Variants in ITSN1 observed in about 807,000 individuals in gnomAD.
ITSN1 encodes intersectin-1.
Under a neutral mutation model 239.8 loss-of-function variants are expected in ITSN1, and 58 were observed. The observed-to-expected ratio is 0.24, with a 90% CI of 0.20 to 0.30. The LOEUF (loss-of-function observed/expected upper bound fraction) is 0.30, where lower values mean the gene tolerates loss of function less well. Ranked by LOEUF, ITSN1 falls within the 10% of genes least tolerant of loss-of-function variation. The probability of loss-of-function intolerance (pLI) is 1.00; values close to 1 mark genes in which losing one functional copy is unlikely to be tolerated. For missense variants in ITSN1, 1,558 were observed against 2,103.3 expected (o/e 0.74, Z 5.07); for synonymous variants, 780 against 770.8 (o/e 1.01, Z -0.20).
intron 26 of ITSN1, chr21:33,829,188 G>A (rs1485867985): frequency 8.2e-6 from 3 of 367,178 alleles, no homozygotes; most frequent in Middle Eastern, 6.4e-4. Flanking sequence ...AGCTAGAAAA[G>A]CTATTGAGTC....
At chr21:33,864,177 G>T (rs972683601) in intron 31 of ITSN1, among the ~76,000 whole-genome samples, 1 of 152,140 alleles carries the variant, frequency 6.6e-6, no homozygotes, top group Admixed American at 6.5e-5. Context: ...GACCATGAAA[G>T]CAGCCAAAGG....
intron 12 of ITSN1, among the ~76,000 whole-genome samples, chr21:33,773,278 G>C (rs1206684648): frequency 6.6e-6 from 1 of 152,060 alleles, no homozygotes; most frequent in African/African-American, 2.4e-5. Context: ...AAAGTGCTGG[G>C]ATTACAGGCA....
At chr21:33,745,204 G>T (rs544889304) in intron 5 of ITSN1, among the ~76,000 whole-genome samples, 1 of 152,336 alleles carries the variant, frequency 6.6e-6, no homozygotes, top group East Asian at 1.9e-4. Context: ...GGATGTAGCT[G>T]CGTATTTGCA....
intron 29 of ITSN1, among the ~76,000 whole-genome samples, chr21:33,845,993 C>T (rs987291310): frequency 6.6e-6 from 1 of 152,266 alleles, no homozygotes; most frequent in African/African-American, 2.4e-5. Context: ...AGGAGCCTCC[C>T]CCAGCCTTAG....
At chr21:33,721,382 C>T in intron 3 of ITSN1, 112 bp downstream of exon 3, 1 of 705,486 alleles carries the variant, frequency 1.4e-6, no homozygotes, top group South Asian at 1.7e-5. Flanking sequence ...AGACATTTAC[C>T]TGTTTTGCCC....
intron 1 of ITSN1, among the ~76,000 whole-genome samples, chr21:33,688,752 A>G (rs1391364766): frequency 6.6e-6 from 1 of 152,128 alleles, no homozygotes; most frequent in Admixed American, 6.5e-5. Context: ...GAGCTTGGGC[A>G]GTGTTCTGCA....
intron 8 of ITSN1, among the ~76,000 whole-genome samples, chr21:33,758,839 A>G (rs144052188): frequency 1.3e-5 from 2 of 152,208 alleles, no homozygotes; most frequent in East Asian, 1.9e-4. Flanking sequence ...TTTTATTCCT[A>G]TGTTCCCTTA....
At chr21:33,836,173 G>A (rs560466280) in intron 28 of ITSN1, among the ~76,000 whole-genome samples, 2 of 152,170 alleles carry the variant, frequency 1.3e-5, no homozygotes, top group African/African-American at 4.8e-5. Flanking sequence ...GATTAGCACT[G>A]TACATTTTCT....
chr21:33,747,620 A>G (rs921966247), intron 5 of ITSN1, among the ~76,000 whole-genome samples: 1 of 152,240 alleles, frequency 6.6e-6, no homozygotes, highest in Admixed American at 6.5e-5. Context: ...ATAGGGGAGC[A>G]TAGATATAAA....
At position 33,797,695 on chromosome 21, in the gene ITSN1, G is replaced by C. The variant is rs2071670712; in HGVS notation, c.2182+87G>C. The stretch of plus-strand genomic sequence containing the variant: ...AAATGCCCCTATCTCATCAGTACCT[G>C]TCTTGGCTACATTAACAGATGAGAA... On this transcript the variant is annotated intron_variant, in intron 18 of 39. Coordinates refer to ENST00000381318, the MANE Select transcript of ITSN1 (RefSeq NM_003024.3). The surrounding 1 kb of genome is among the most constrained non-coding windows in gnomAD (Gnocchi z 4.9). 1 of 980,268 alleles carries C rather than the reference G, an allele frequency of 1.0e-6. No homozygotes were observed. Among genetic ancestry groups the C allele is most frequent in the African/African-American group, 1.6e-5 (1 of 61,000 alleles). The allele number at this position is 980,268 out of a possible 1,614,324, so 60.7% of individuals were successfully genotyped here. A position where few individuals can be genotyped will look rare whatever the true frequency, so the allele number is the denominator to read the frequency against.
intron 1 of ITSN1, among the ~76,000 whole-genome samples, chr21:33,685,293 T>C (rs1334893677): frequency 4.6e-5 from 7 of 152,230 alleles, no homozygotes; most frequent in African/African-American, 1.7e-4. Context: ...TCTTCAAGTT[T>C]CCCTTGTCTT....
At chr21:33,654,448 G>A (rs984562933) in intron 1 of ITSN1, among the ~76,000 whole-genome samples, 8 of 151,952 alleles carry the variant, frequency 5.3e-5, no homozygotes, top group African/African-American at 1.7e-4. Flanking sequence ...TATTAGTTCC[G>A]TATTTTGATT....
At chr21:33,776,501 G>A (rs954718008) in intron 14 of ITSN1, among the ~76,000 whole-genome samples, 16 of 144,736 alleles carry the variant, frequency 1.1e-4, no homozygotes, top group African/African-American at 3.9e-4. Context: ...AGTGAGCTAT[G>A]ATTGAGCCAC....
chr21:33,824,209 C>T (rs761614068), intron 25 of ITSN1, among the ~76,000 whole-genome samples: 3 of 152,080 alleles, frequency 2.0e-5, no homozygotes, highest in Non-Finnish European at 4.4e-5. Context: ...TGCTGTTATC[C>T]GTATGAATTG....
chr21:33,776,562 G>A (rs866790841), intron 14 of ITSN1, among the ~76,000 whole-genome samples: 4 of 137,778 alleles, frequency 2.9e-5, no homozygotes, highest in East Asian at 4.1e-4. Flanking sequence ...AAAAAAAAAA[G>A]AGAGAGAAAA....
chr21:33,864,038 T>C (rs1013642024), intron 31 of ITSN1, among the ~76,000 whole-genome samples: 5 of 152,240 alleles, frequency 3.3e-5, no homozygotes, highest in African/African-American at 1.2e-4. Context: ...TCCAAGGGAC[T>C]TTATTTTAGC....
chr21:33,749,230 T>A (rs1164665038), intron 5 of ITSN1, among the ~76,000 whole-genome samples: 1 of 152,108 alleles, frequency 6.6e-6, no homozygotes, highest in Non-Finnish European at 1.5e-5. Flanking sequence ...CCTCAAGAGA[T>A]CTTCCTGCCT....
At position 33,897,943 on chromosome 21, in the gene ITSN1, T is replaced by C. The variant is rs909989935; in HGVS notation, c.*9643T>C. 1 of 152,184 alleles carries C rather than the reference T, an allele frequency of 6.6e-6. No homozygotes were observed. Among genetic ancestry groups the C allele is most frequent in the Non-Finnish European group, 1.5e-5 (1 of 68,036 alleles). 9.4% of individuals were successfully genotyped at this position (152,184 alleles called of 1,614,324 possible). Reference sequence around the variant, plus strand: ...CTGCAGGAAATATGATAAATTTCAGTGTAATGGATGGTGGCGTGATCAAAT... The same window carrying C: ...CTGCAGGAAATATGATAAATTTCAGCGTAATGGATGGTGGCGTGATCAAAT... On this transcript the variant is annotated 3_prime_UTR_variant, in exon 40 of 40. Coordinates refer to ENST00000381318, the MANE Select transcript of ITSN1 (RefSeq NM_003024.3).
Position 33,885,041 on chromosome 21 carries a change from G to C in ITSN1, c.4677G>C (p.Arg1559Ser). Reference protein sequence around the residue: ...YTLRAESINERTAWVQKIKAA... With the variant: ...YTLRAESINESTAWVQKIKAA... The stretch of plus-strand genomic sequence containing the variant: ...AACTTTCTGTCTTTTTCTGTCCAAG[G>C]ACTGCCTGGGTGCAGAAAATCAAAG... Residue 1559 changes from arginine (R) to serine (S), a missense_variant and splice_region_variant, in exon 37 of 40, where the codon AGG (arginine) becomes AGC (serine). Arg to Ser is a moderately radical substitution (Grantham distance 110). Transcript: ENST00000381318. The C allele has an allele frequency of 6.2e-7, 1 of 1,613,790 alleles. No individual in the cohort carries two copies. Among genetic ancestry groups the C allele is most frequent in the Non-Finnish European group, 8.5e-7 (1 of 1,179,724 alleles).
Sources: allele counts gnomAD v4.1 joint callset (sites outside exome capture counted in the v4.1 genomes callset), GRCh38; gene constraint gnomAD v4.1.1; non-coding constraint Gnocchi (gnomAD v3.1); transcripts MANE v1.5; gene names NCBI Gene and HGNC (gene_info 2026-07-23, HGNC 2026-07-21).